The following CPT1A variants were observed in gnomAD, a reference collection of about 807,000 sequenced individuals.
CPT1A encodes the protein carnitine O-palmitoyltransferase 1, liver isoform.
In CPT1A, 64 loss-of-function variants were observed where a neutral mutation model predicts 100.8. The observed-to-expected ratio is 0.63, with a 90% CI of 0.52 to 0.78. CPT1A has a LOEUF of 0.78. CPT1A is among the 30% of genes least tolerant of loss of function. The pLI, the probability that CPT1A is intolerant of heterozygous loss-of-function variation, is 0.00. For synonymous variants in CPT1A, 363 were observed against 396.0 expected, an observed-to-expected ratio of 0.92 and a Z score of 0.99; for missense variants, 802 against 1,034.1, an observed-to-expected ratio of 0.78 and a Z score of 3.08.
At chr11:68,836,899 G>A (rs1315903261) in intron 1 of CPT1A, among the ~76,000 whole-genome samples, 1 of 152,096 alleles carries the variant, frequency 6.6e-6, no homozygotes, top group Non-Finnish European at 1.5e-5. Flanking sequence ...AAAGAAAAAG[G>A]AAAGCAAACC....
chr11:68,759,013 T>C (rs900643455), intron 18 of CPT1A, among the ~76,000 whole-genome samples: 2 of 152,066 alleles, frequency 1.3e-5, no homozygotes, highest in Non-Finnish European at 2.9e-5. Context: ...ACTGGGAGGC[T>C]GAGGTAAGAG....
At chr11:68,828,380 G>A (rs192402689) in intron 1 of CPT1A, among the ~76,000 whole-genome samples, 41 of 147,266 alleles carry the variant, frequency 2.8e-4, no homozygotes, top group African/African-American at 8.6e-4. Context: ...CCACCTGTCC[G>A]CTACAGCCAG....
intron 1 of CPT1A, among the ~76,000 whole-genome samples, chr11:68,838,917 AAAAAC>A (rs571818343): frequency 2.6e-5 from 4 of 152,296 alleles, no homozygotes; most frequent in South Asian, 4.1e-4. Context: ...GCTTATTTGT[AAAAAC>A]AAAACAAAAC....
At chr11:68,788,458 G>C (rs1855521839) in intron 9 of CPT1A, among the ~76,000 whole-genome samples, 1 of 151,950 alleles carries the variant, frequency 6.6e-6, no homozygotes, top group Non-Finnish European at 1.5e-5. Flanking sequence ...AGTAAGCTGG[G>C]TGTGGTGGTG....
intron 9 of CPT1A, chr11:68,786,017 G>C: frequency 1.4e-6 from 1 of 702,348 alleles, no homozygotes; most frequent in South Asian, 1.5e-5. Flanking sequence ...CACAGTGACA[G>C]CTGATCAAGG....
chr11:68,826,010 G>A (rs1441732098), intron 1 of CPT1A, among the ~76,000 whole-genome samples: 2 of 152,112 alleles, frequency 1.3e-5, no homozygotes, highest in East Asian at 3.9e-4. Context: ...CTCTAAAACC[G>A]AGGAACTCAT....
rs972905700 is a variant in CPT1A at position 68,785,348 on chromosome 11, G to A, written c.968-338C>T. 5.3e-4 allele frequency among the ~76,000 whole-genome samples: 80 copies of A among 151,976 alleles called. 1 individual carries two copies. The highest frequency in any genetic ancestry group is 1.3e-4 in the Non-Finnish European group (9 of 68,012). ...GGGTGAGGTGAGAGGATCGTTTGAGGTCAGGAGTTCGAGACCAGCCTGGTC... is the reference window on the plus strand; with the variant it reads ...GGGTGAGGTGAGAGGATCGTTTGAGATCAGGAGTTCGAGACCAGCCTGGTC... On this transcript the variant is annotated intron_variant, in intron 9 of 18. Coordinates refer to ENST00000265641, the MANE Select transcript of CPT1A (RefSeq NM_001876.4).
In CPT1A at chr11:68,793,318, T is replaced by A; in HGVS notation, c.964A>T (p.Thr322Ser). ...GCCCTGAAGAAGCTTGACTCACCTG[T>A]CTCCTCTCCTGGGATCCGGGAAGTA... ...FNTSRIPGEETDTIQHMRDSK... is the reference protein window; with the variant it reads ...FNTSRIPGEESDTIQHMRDSK... Residue 322 changes from threonine (T) to serine (S), a missense_variant, in exon 9 of 19, where the codon ACA becomes TCA. Thr to Ser is a moderately conservative substitution (Grantham distance 58). Coordinates refer to ENST00000265641, the MANE Select transcript of CPT1A (RefSeq NM_001876.4). The A allele has an allele frequency of 1.2e-6, 2 of 1,609,226 alleles. No individual in the cohort carries two copies. Among genetic ancestry groups the A allele is most frequent in the Non-Finnish European group, 1.7e-6 (2 of 1,177,714 alleles).
chr11:68,802,524 G>A (rs1193935195), intron 5 of CPT1A, among the ~76,000 whole-genome samples: 2 of 151,532 alleles, frequency 1.3e-5, no homozygotes, highest in Admixed American at 6.6e-5. Flanking sequence ...GAGGTCAGGC[G>A]ATGGAGACCA....
intron 1 of CPT1A, among the ~76,000 whole-genome samples, chr11:68,826,595 G>A (rs1341171571): frequency 9.2e-5 from 14 of 151,616 alleles, no homozygotes; most frequent in South Asian, 2.1e-4. Context: ...AAAATTAGCC[G>A]GGCGTGGTGG....
At position 68,790,821 on chromosome 11, in the gene CPT1A, A is replaced by T. The variant is rs1855594882; in HGVS notation, c.967+2494T>A. On this transcript the variant is annotated intron_variant, in intron 9 of 18. Coordinates refer to ENST00000265641, the MANE Select transcript of CPT1A (RefSeq NM_001876.4). ...TTGTTTATTGATTTATTTTATTTTTATTTCATATACATATTTTTTTGAGAT... is the reference window on the plus strand; with the variant it reads ...TTGTTTATTGATTTATTTTATTTTTTTTTCATATACATATTTTTTTGAGAT... Among the ~76,000 whole-genome samples the T allele has an allele frequency of 1.3e-5, 2 of 151,704 alleles. 1 individual carries two copies. The highest frequency in any genetic ancestry group is 4.2e-4 in the South Asian group (2 of 4,798).
At position 68,782,400 on chromosome 11, in the gene CPT1A, A is replaced by C. The variant is rs573838485; in HGVS notation, c.1164-441T>G. Among the ~76,000 whole-genome samples the C allele has an allele frequency of 2.0e-4, 31 of 152,234 alleles. 1 individual carries two copies. The highest frequency in any genetic ancestry group is 3.4e-4 in the Non-Finnish European group (23 of 68,022). ...TGCTCCAAACCTTTTCTGTGTACCA[A>C]CTTACTGATCTTCTCAATGCTACTG... is the stretch of plus-strand genomic sequence containing the variant. On this transcript the variant is annotated intron_variant, in intron 10 of 18. Transcript: ENST00000265641.
At chr11:68,790,940 C>T (rs1279654331) in intron 9 of CPT1A, among the ~76,000 whole-genome samples, 2 of 152,136 alleles carry the variant, frequency 1.3e-5, no homozygotes, top group African/African-American at 4.8e-5. Flanking sequence ...CCTCCTACCT[C>T]TGCCTCCTGA....
intron 9 of CPT1A, among the ~76,000 whole-genome samples, chr11:68,785,231 A>G (rs1293889989): frequency 6.6e-6 from 1 of 152,014 alleles, no homozygotes; most frequent in African/African-American, 2.4e-5. Flanking sequence ...CAGCTTAGTC[A>G]CTCATTAGAT....
intron 5 of CPT1A, 36 bp from the exon 6 acceptor site, chr11:68,799,391 T>C (rs1186770064): frequency 1.9e-6 from 3 of 1,607,256 alleles, no homozygotes; most frequent in South Asian, 2.2e-5. Flanking sequence ...TCACCCAAGT[T>C]AAAACATATT....
In CPT1A at chr11:68,773,303, C is replaced by T. The variant is rs1046804; in HGVS notation, c.1702G>A (p.Ala568Thr). 1 of 1,614,146 alleles carries T rather than the reference C, an allele frequency of 6.2e-7. No homozygotes were observed. The change falls in exon 14 of 19, where the codon GCC becomes ACC. Residue 568 changes from alanine to threonine, a missense_variant. Ala to Thr is a moderately conservative substitution (Grantham distance 58). Coordinates refer to ENST00000265641, the MANE Select transcript of CPT1A (RefSeq NM_001876.4). ...IIKKCRTSPD[A>T]FVQLALQLAH... ...AGCTGGAGGGCCAGCTGCACAAAGG[C>T]GTCTGGGCTCGTGCGACATTTCTTG...
At chr11:68,815,040 T>A (rs1306447267) in intron 2 of CPT1A, among the ~76,000 whole-genome samples, 1 of 152,178 alleles carries the variant, frequency 6.6e-6, no homozygotes, top group Non-Finnish European at 1.5e-5. Flanking sequence ...GAGCAGAAGA[T>A]GTGAATTCTA....
At chr11:68,836,721 G>A (rs1373930293) in intron 1 of CPT1A, among the ~76,000 whole-genome samples, 2 of 151,380 alleles carry the variant, frequency 1.3e-5, no homozygotes, top group South Asian at 2.1e-4. Context: ...GCAGTGAGCC[G>A]AGATCATACC....
chr11:68,836,023 C>T (rs971870335), intron 1 of CPT1A, among the ~76,000 whole-genome samples: 1 of 152,210 alleles, frequency 6.6e-6, no homozygotes, highest in African/African-American at 2.4e-5. Context: ...ATGTGGATTT[C>T]TCTTCCTACC....
Sources: gnomAD v4.1 joint callset for allele counts (sites outside exome capture counted in the v4.1 genomes callset) on GRCh38, gnomAD v4.1.1 for gene constraint, MANE v1.5 for transcripts, NCBI Gene and HGNC (gene_info 2026-07-23, HGNC 2026-07-21) for gene names.